Variants in PCNT observed in about 807,000 individuals in gnomAD.
PCNT encodes pericentrin.
A neutral mutation model predicts 380.4 loss-of-function variants in PCNT; 319 were observed. The observed-to-expected ratio is 0.84, with a 90% CI of 0.77 to 0.92. The LOEUF (loss-of-function observed/expected upper bound fraction) is 0.92. Ranked by LOEUF, PCNT falls within the 40% of genes least tolerant of loss-of-function variation. PCNT has a pLI of 0.00. For synonymous variants in PCNT, 1,845 were observed against 1,735.2 expected (o/e 1.06, Z -1.57); for missense variants, 4,400 against 4,255.3 (o/e 1.03, Z -0.95).
At position 46,346,198 on chromosome 21, in the gene PCNT, A is replaced by C. The variant is rs148024977; in HGVS notation, c.710A>C (p.His237Pro). 6.2e-7 allele frequency: 1 copy of C among 1,612,934 alleles called. No homozygotes were observed. Among genetic ancestry groups the C allele is most frequent in the African/African-American group, 1.3e-5 (1 of 74,842 alleles). The change falls in exon 4 of 47, where the codon CAT (histidine) becomes CCT (proline). Residue 237 changes from histidine to proline, a missense_variant. Physicochemically the swap from His to Pro is moderately conservative, Grantham distance 77 (BLOSUM62 -2). Coordinates refer to ENST00000359568, the MANE Select transcript of PCNT (RefSeq NM_006031.6). ...GGCCGTGAAGATGAGGCTGGCCTGC[A>C]TCAGAGTCAGGTGACCCGGCGGGGC... ...ESGREDEAGL[H>P]QSQAVHGLEL...
chr21:46,430,784 G>A (rs954398660), intron 37 of PCNT, 127 bp downstream of exon 37: 24 of 1,530,944 alleles, frequency 1.6e-5, no homozygotes, highest in African/African-American at 2.7e-5. Context: ...GCAGTGTGAC[G>A]TAGCAGGATA....
chr21:46,339,078 G>T (rs1298984573), intron 3 of PCNT, among the ~76,000 whole-genome samples: 1 of 152,030 alleles, frequency 6.6e-6, no homozygotes, highest in African/African-American at 2.4e-5. Context: ...CACCGCACCC[G>T]GCCTAATTTT....
intron 14 of PCNT, among the ~76,000 whole-genome samples, chr21:46,365,994 G>A (rs867693510): frequency 5.0e-4 from 74 of 147,016 alleles, no homozygotes; most frequent in Non-Finnish European, 5.1e-4. Context: ...AGTCACTGCC[G>A]TGGGGTTCTG....
chr21:46,347,252 C>T (rs1019615894), intron 5 of PCNT, among the ~76,000 whole-genome samples: 11 of 152,158 alleles, frequency 7.2e-5, no homozygotes, highest in East Asian at 3.9e-4. Context: ...ACCTTCACCT[C>T]CTCTCTTAGA....
At chr21:46,331,025 TG>T (rs2083542281) in intron 2 of PCNT, among the ~76,000 whole-genome samples, 1 of 151,596 alleles carries the variant, frequency 6.6e-6, no homozygotes, top group African/African-American at 2.4e-5. Context: ...TAAGTGTGTG[TG>T]TTTGTGTGTG....
chr21:46,428,622 C>T (rs747575546), intron 35 of PCNT, 32 bp downstream of exon 35: 35 of 1,551,876 alleles, frequency 2.3e-5, no homozygotes, highest in South Asian at 2.2e-4. Flanking sequence ...GCCTGGGGCC[C>T]GGCCTCTGCA....
At position 46,398,307 on chromosome 21, in the gene PCNT, C is replaced by G. The variant is rs758538287; in HGVS notation, c.4584+52C>G. On this transcript the variant is annotated intron_variant, in intron 24 of 46. Transcript: ENST00000359568. ...CTCCCTGCGCTGGCGCCCAGGCTCCCCTGCGCTCGCTGGGACTGTCCTGCC... is the reference window on the plus strand; with the variant it reads ...CTCCCTGCGCTGGCGCCCAGGCTCCGCTGCGCTCGCTGGGACTGTCCTGCC... 7 of 1,551,052 alleles carry G rather than the reference C, an allele frequency of 4.5e-6. No homozygotes were observed. In the African/African-American group the frequency reaches 9.5e-5, roughly 21 times the overall value.
chr21:46,435,379 C>T (rs1192602521), intron 38 of PCNT, among the ~76,000 whole-genome samples: 1 of 152,008 alleles, frequency 6.6e-6, no homozygotes, highest in Non-Finnish European at 1.5e-5. Context: ...GTGCGCACCA[C>T]CACGCCCAGC....
Position 46,346,882 on chromosome 21 carries a change from G to T in PCNT, c.860G>T (p.Arg287Leu). The T allele has an allele frequency of 6.2e-7, 1 of 1,607,048 alleles. No individual in the cohort carries two copies. The stretch of plus-strand genomic sequence containing the variant: ...GAGCTGCGGGAGATGCTCAACAGCC[G>T]GCGTGCCCAGGAGCTGGCCCTGCTA... ...LTELREMLNSRRAQELALLQS... is the reference protein window; with the variant it reads ...LTELREMLNSLRAQELALLQS... The change falls in exon 5 of 47, where the codon CGG (arginine) becomes CTG (leucine). Residue 287 changes from arginine (R) to leucine (L), a missense_variant. By Grantham distance (102) the Arg-to-Leu change is moderately radical. Coordinates refer to ENST00000359568, the MANE Select transcript of PCNT (RefSeq NM_006031.6).
At chr21:46,365,443 T>C (rs1429403736) in intron 14 of PCNT, among the ~76,000 whole-genome samples, 2 of 144,144 alleles carry the variant, frequency 1.4e-5, no homozygotes, top group South Asian at 2.3e-4. Context: ...TGCCGTGGGG[T>C]TCTGTTCACT....
At chr21:46,357,271 A>G in intron 13 of PCNT, 80 bp downstream of exon 13, 4 of 983,306 alleles carry the variant, frequency 4.1e-6, no homozygotes, top group Admixed American at 1.7e-5. Context: ...GTCCTTGTGT[A>G]TGGAGGGGCA....
chr21:46,334,905 TGGAG>T, intron 3 of PCNT, 137 bp downstream of exon 3: 1 of 1,404,442 alleles, frequency 7.1e-7, no homozygotes. Flanking sequence ...CATAGAGAGC[TGGAG>T]GCAGAGGCTC....
In PCNT at chr21:46,403,696, GCA is replaced by G. The variant is rs1483034982; in HGVS notation, c.5115+1215_5115+1216del. ...ATCGTGTGTGTGTGGTGCCCACGCG[GCA>G]CGTGCTTGGTGAATGAACACAGCGT... On this transcript the variant is annotated intron_variant, in intron 27 of 46. Coordinates refer to ENST00000359568, the MANE Select transcript of PCNT (RefSeq NM_006031.6). Among the ~76,000 whole-genome samples the G allele has an allele frequency of 2.9e-4, 42 of 145,538 alleles. 1 individual carries two copies. Among genetic ancestry groups the G allele is most frequent in the African/African-American group, 9.6e-4 (37 of 38,458 alleles).
At chr21:46,415,976 G>A (rs1171329592) in intron 29 of PCNT, 93 bp from the exon 30 acceptor site, 6 of 1,290,696 alleles carry the variant, frequency 4.6e-6, no homozygotes, top group Admixed American at 3.6e-5. Flanking sequence ...CGAGTGCTCC[G>A]AAACTCCCTG....
chr21:46,420,009 G>A (rs933736815), intron 31 of PCNT, among the ~76,000 whole-genome samples: 6 of 152,176 alleles, frequency 3.9e-5, no homozygotes, highest in African/African-American at 7.2e-5. Flanking sequence ...GGTGGTTGTC[G>A]GTTGGTTGGC....
chr21:46,401,153 C>T (rs571566327), intron 25 of PCNT, among the ~76,000 whole-genome samples: 27 of 152,270 alleles, frequency 1.8e-4, no homozygotes, highest in East Asian at 7.7e-4. Flanking sequence ...TGACCATTTT[C>T]GTCATATTAA....
intron 2 of PCNT, among the ~76,000 whole-genome samples, chr21:46,327,558 G>A (rs1276083447): frequency 6.6e-6 from 1 of 152,074 alleles, no homozygotes; most frequent in Non-Finnish European, 1.5e-5. Flanking sequence ...GAGCCACTGC[G>A]CCTGGCCCTG....
intron 38 of PCNT, among the ~76,000 whole-genome samples, chr21:46,434,781 C>T (rs997479444): frequency 6.6e-6 from 1 of 152,236 alleles, no homozygotes; most frequent in Admixed American, 6.5e-5. Context: ...CAGGCTCATA[C>T]GTGTGTGCAT....
chr21:46,325,872 A>G (rs989766938), intron 1 of PCNT, among the ~76,000 whole-genome samples: 1 of 152,160 alleles, frequency 6.6e-6, no homozygotes, highest in Non-Finnish European at 1.5e-5. Flanking sequence ...AGAACATCTG[A>G]TTCCATAAAG....
Sources: gnomAD v4.1 joint callset for allele counts (sites outside exome capture counted in the v4.1 genomes callset) on GRCh38, gnomAD v4.1.1 for gene constraint, MANE v1.5 for transcripts, NCBI Gene and HGNC (gene_info 2026-07-23, HGNC 2026-07-21) for gene names.